The following COL28A1 variants were observed in gnomAD, a reference collection of about 807,000 sequenced individuals.
COL28A1 encodes collagen type XXVIII alpha 1 chain.
Under a neutral mutation model 150.2 loss-of-function variants are expected in COL28A1, and 161 were observed. The observed-to-expected ratio is 1.07, with a 90% CI of 0.94 to 1.22. The LOEUF (loss-of-function observed/expected upper bound fraction) is 1.22, where lower values mean the gene tolerates loss of function less well. COL28A1 is among the 50% of genes most tolerant of loss of function. COL28A1 has a pLI of 0.00. For synonymous variants in COL28A1, 552 were observed against 469.7 expected (o/e 1.18, Z -2.26); for missense variants, 1,617 against 1,388.3 (o/e 1.16, Z -2.62).
intron 3 of COL28A1, among the ~76,000 whole-genome samples, chr7:7,526,632 A>G (rs1042421401): frequency 1.3e-5 from 2 of 152,070 alleles, no homozygotes; most frequent in Non-Finnish European, 2.9e-5. Flanking sequence ...AATGAGCAAT[A>G]TCTTTTTTTT....
At chr7:7,408,169 G>C (rs1310159949) in intron 27 of COL28A1, among the ~76,000 whole-genome samples, 1 of 152,068 alleles carries the variant, frequency 6.6e-6, no homozygotes, top group African/African-American at 2.4e-5. Flanking sequence ...CCGTGCTCAT[G>C]ATTCCCGCTC....
rs1467808058 is a variant in COL28A1 at position 7,383,287 on chromosome 7, TG to T, written c.2137-1676del. On this transcript the variant is annotated intron_variant, in intron 27 of 34. Transcript: ENST00000399429. Reference sequence around the variant, plus strand: ...GTGTGTGTGTGTGTGTGTGTGTGTGTGTTTTTTTTGAGACAGAGTCTCACTC... The same window carrying T: ...GTGTGTGTGTGTGTGTGTGTGTGTGTTTTTTTTTGAGACAGAGTCTCACTC... Among the ~76,000 whole-genome samples, 217 of 103,526 alleles carry T rather than the reference TG, an allele frequency of 2.1e-3. 2 individuals are homozygous for T. Among genetic ancestry groups the T allele is most frequent in the African/African-American group, 7.5e-3 (130 of 17,402 alleles). The allele number at this position is 103,526 out of a possible 152,430, so 67.9% of individuals were successfully genotyped here.
At chr7:7,346,552 C>A in the COL28A1 span, among the ~76,000 whole-genome samples, 1 of 151,914 alleles carries the variant, frequency 6.6e-6, no homozygotes, top group Non-Finnish European at 1.5e-5. Flanking sequence ...AGAAAACATA[C>A]AGAAAATACC....
chr7:7,457,882 T>C (rs1347176629), intron 15 of COL28A1, among the ~76,000 whole-genome samples: 2 of 152,206 alleles, frequency 1.3e-5, no homozygotes, highest in African/African-American at 4.8e-5. Context: ...GGCAGTTGTA[T>C]TTAGACTACA....
At chr7:7,426,441 C>T (rs1012565507) in intron 25 of COL28A1, among the ~76,000 whole-genome samples, 1 of 152,150 alleles carries the variant, frequency 6.6e-6, no homozygotes, top group Admixed American at 6.5e-5. Flanking sequence ...AGTATATGCA[C>T]ATATTGGCAA....
At position 7,360,509 on chromosome 7, in the gene COL28A1, T is replaced by G; in HGVS notation, c.3086A>C (p.Gln1029Pro). Residue 1029 changes from glutamine (Q) to proline (P), a missense_variant, in exon 34 of 35, where the codon CAG becomes CCG. Physicochemically the swap from Gln to Pro is moderately conservative, Grantham distance 76. Coordinates refer to ENST00000399429, the MANE Select transcript of COL28A1 (RefSeq NM_001037763.3). The stretch of plus-strand genomic sequence containing the variant: ...CTCTGGAGCCTTATCATCTTCATCC[T>G]GGTCTCTGGTGACACTCAACTACAC... ...ISESLSVTRD[Q>P]DEDDKAPEPT... is the part of the protein sequence containing the mutation. The G allele has an allele frequency of 1.9e-6, 3 of 1,603,620 alleles. No individual in the cohort carries two copies. The highest frequency in any genetic ancestry group is 2.7e-5 in the African/African-American group (2 of 74,336).
At chr7:7,482,288 G>A (rs995064020) in intron 13 of COL28A1, among the ~76,000 whole-genome samples, 1 of 152,066 alleles carries the variant, frequency 6.6e-6, no homozygotes, top group Admixed American at 6.5e-5. Context: ...ACTTCAGGAC[G>A]CTGAGGTGGG....
intron 11 of COL28A1, among the ~76,000 whole-genome samples, chr7:7,498,349 C>T (rs1456448673): frequency 6.6e-6 from 1 of 152,104 alleles, no homozygotes; most frequent in East Asian, 1.9e-4. Context: ...GGTAAAAATT[C>T]AGGGTGGACA....
the COL28A1 span, among the ~76,000 whole-genome samples, chr7:7,350,408 A>C: frequency 6.6e-6 from 1 of 152,168 alleles, no homozygotes; most frequent in Non-Finnish European, 1.5e-5. Flanking sequence ...CTTGGCCTCT[A>C]ATCTTTAGTA....
chr7:7,341,475 G>T, the COL28A1 span, among the ~76,000 whole-genome samples: 1 of 151,924 alleles, frequency 6.6e-6, no homozygotes, highest in Non-Finnish European at 1.5e-5. Context: ...CATGATCATG[G>T]CTCACTGCAG....
At chr7:7,527,090 C>T (rs1202432064) in intron 3 of COL28A1, among the ~76,000 whole-genome samples, 1 of 152,098 alleles carries the variant, frequency 6.6e-6, no homozygotes, top group Non-Finnish European at 1.5e-5. Flanking sequence ...AGGCTTAAAA[C>T]CATAGCAATG....
At chr7:7,417,799 TC>T in intron 27 of COL28A1, 59 bp downstream of exon 27, 3 of 1,442,812 alleles carry the variant, frequency 2.1e-6, no homozygotes, top group Non-Finnish European at 2.9e-6. Flanking sequence ...ATCTACAACC[TC>T]TTCTCCCAAT....
At chr7:7,367,109 T>C (rs958654870) in intron 33 of COL28A1, among the ~76,000 whole-genome samples, 11 of 152,212 alleles carry the variant, frequency 7.2e-5, no homozygotes, top group African/African-American at 2.7e-4. Context: ...TGCTTATATA[T>C]ATAGATACTT....
At chr7:7,351,001 T>C in the COL28A1 span, among the ~76,000 whole-genome samples, 4 of 152,144 alleles carry the variant, frequency 2.6e-5, no homozygotes, top group African/African-American at 9.7e-5. Context: ...AATCCACAAG[T>C]CTCAATTTAC....
intron 33 of COL28A1, among the ~76,000 whole-genome samples, chr7:7,363,978 A>T (rs1780805204): frequency 6.6e-6 from 1 of 151,602 alleles, no homozygotes. Flanking sequence ...GTCTTCCACT[A>T]CTCCCAGAAT....
rs368998481 is a variant in COL28A1 at position 7,390,541 on chromosome 7, G to A, written c.2137-8929C>T. Among the ~76,000 whole-genome samples, 66 of 152,058 alleles carry A rather than the reference G, an allele frequency of 4.3e-4. No individual in the cohort carries two copies. The South Asian group carries it at 0.013, about 30-fold the overall frequency. On this transcript the variant is annotated intron_variant, in intron 27 of 34. Transcript: ENST00000399429. ...TAGGGAGGAGTCCCTCTTTTTCTATGGTTTGGAATAGTTTCAGAAGACATG... is the reference window on the plus strand; with the variant it reads ...TAGGGAGGAGTCCCTCTTTTTCTATAGTTTGGAATAGTTTCAGAAGACATG...
At position 7,502,888 on chromosome 7, in the gene COL28A1, G is replaced by A. The variant is rs1437326663; in HGVS notation, c.1026+3126C>T. ...AATTTTTTGTATTTTTAGTAGAGAC[G>A]GGGTTTCACCGTGTTAGCCAGGATG... is the stretch of plus-strand genomic sequence containing the variant. On this transcript the variant is annotated intron_variant, in intron 11 of 34. Coordinates refer to ENST00000399429, the MANE Select transcript of COL28A1 (RefSeq NM_001037763.3). 2.9e-5 allele frequency among the ~76,000 whole-genome samples: 3 copies of A among 103,870 alleles called. 1 individual carries two copies. Among genetic ancestry groups the A allele is most frequent in the Non-Finnish European group, 5.2e-5 (3 of 57,256 alleles). The allele number at this position is 103,870 out of a possible 152,430, so 68.1% of individuals were successfully genotyped here. A position where few individuals can be genotyped will look rare whatever the true frequency, so the allele number is the denominator to read the frequency against.
chr7:7,505,664 G>A (rs1402275160), intron 11 of COL28A1, among the ~76,000 whole-genome samples: 3 of 151,710 alleles, frequency 2.0e-5, no homozygotes, highest in African/African-American at 7.3e-5. Context: ...CATTACATTT[G>A]AGAAATAGAG....
intron 14 of COL28A1, among the ~76,000 whole-genome samples, chr7:7,475,570 T>G (rs146855226): frequency 6.6e-6 from 1 of 152,362 alleles, no homozygotes; most frequent in East Asian, 1.9e-4. Context: ...TAATACCTCA[T>G]ATAATATAAA....
Sources: gnomAD v4.1 joint callset for allele counts (sites outside exome capture counted in the v4.1 genomes callset) on GRCh38, gnomAD v4.1.1 for gene constraint, MANE v1.5 for transcripts, NCBI Gene and HGNC (gene_info 2026-07-23, HGNC 2026-07-21) for gene names.